The following SENP6 variants were observed in gnomAD, a reference collection of about 807,000 sequenced individuals.
SENP6 encodes sentrin-specific protease 6.
Under a neutral mutation model 134.5 loss-of-function variants are expected in SENP6, and 41 were observed. The observed-to-expected ratio is 0.30, with a 90% CI of 0.24 to 0.40. The LOEUF (loss-of-function observed/expected upper bound fraction) is 0.40, where lower values mean the gene tolerates loss of function less well. Ranked by LOEUF, SENP6 falls within the 10% of genes least tolerant of loss-of-function variation. SENP6 has a pLI of 1.00. For missense variants in SENP6, 1,248 were observed against 1,312.5 expected, an observed-to-expected ratio of 0.95 and a Z score of 0.76; for synonymous variants, 395 against 429.8, an observed-to-expected ratio of 0.92 and a Z score of 1.00.
At chr6:75,685,880 G>T (rs1773805302) in intron 16 of SENP6, among the ~76,000 whole-genome samples, 1 of 152,140 alleles carries the variant, frequency 6.6e-6, no homozygotes, top group Admixed American at 6.5e-5. Context: ...TGTTGATTTG[G>T]GGTGGAGAGT....
intron 8 of SENP6, among the ~76,000 whole-genome samples, chr6:75,660,269 A>G (rs477976): frequency 0.96 from 146,599 of 152,286 alleles, 70,818 homozygotes; most frequent in East Asian, 1. Flanking sequence ...TGATTTTCAC[A>G]TTAATGATAT....
chr6:75,708,888 C>T (rs530181421), intron 19 of SENP6, among the ~76,000 whole-genome samples: 8 of 151,656 alleles, frequency 5.3e-5, no homozygotes, highest in Non-Finnish European at 1.2e-4. Context: ...AGCAAGACCC[C>T]GTCTCAAAAA....
intron 1 of SENP6, among the ~76,000 whole-genome samples, chr6:75,608,895 T>G (rs1302638274): frequency 6.6e-6 from 1 of 152,230 alleles, no homozygotes; most frequent in African/African-American, 2.4e-5. Context: ...CTTGCTTGTC[T>G]TCTCTTCTAT....
rs116203884 is a variant in SENP6, at chr6:75,642,852, G to A, written c.479+2148G>A. Among the ~76,000 whole-genome samples the A allele has an allele frequency of 1.9e-3, 293 of 152,310 alleles. 1 individual carries two copies. Among genetic ancestry groups the A allele is most frequent in the African/African-American group, 6.8e-3 (281 of 41,570 alleles). On this transcript the variant is annotated intron_variant, in intron 6 of 23. Coordinates refer to ENST00000447266, the MANE Select transcript of SENP6 (RefSeq NM_015571.4). ...GGAGGTGTGTTACAAAGGAAAATCA[G>A]TAATAGTCTGTAAGTACTCAAAACT... is the stretch of plus-strand genomic sequence containing the variant.
chr6:75,695,288 C>T (rs1218139095), intron 16 of SENP6, among the ~76,000 whole-genome samples: 1 of 152,162 alleles, frequency 6.6e-6, no homozygotes, highest in East Asian at 1.9e-4. Context: ...TGTTTTAAAA[C>T]ATTAGATCTT....
chr6:75,669,663 T>G (rs879813585), intron 10 of SENP6, among the ~76,000 whole-genome samples: 24 of 152,202 alleles, frequency 1.6e-4, no homozygotes, highest in Non-Finnish European at 2.9e-4. Flanking sequence ...GAATCATAAT[T>G]TAACAGATGA....
chr6:75,713,485 T>C (rs1369502277), intron 21 of SENP6, 28 bp from the exon 22 acceptor site: 1 of 1,566,838 alleles, frequency 6.4e-7, no homozygotes, highest in Non-Finnish European at 8.8e-7. Flanking sequence ...TATGAAGTAT[T>C]CGACTTTTGG....
chr6:75,684,276 A>C (rs1193358507), intron 16 of SENP6, among the ~76,000 whole-genome samples: 1 of 152,204 alleles, frequency 6.6e-6, no homozygotes, highest in Non-Finnish European at 1.5e-5. Flanking sequence ...GAAGTTGCTT[A>C]TCAGCATAAG....
intron 9 of SENP6, among the ~76,000 whole-genome samples, chr6:75,663,818 TTG>T: frequency 2.1e-5 from 2 of 93,748 alleles, no homozygotes; most frequent in Non-Finnish European, 4.1e-5. Context: ...GTTTTTTTTT[TTG>T]TGGGGGGGGG....
At chr6:75,614,969 C>T (rs569942623) in intron 1 of SENP6, among the ~76,000 whole-genome samples, 6 of 152,210 alleles carry the variant, frequency 3.9e-5, no homozygotes, top group African/African-American at 1.4e-4. Flanking sequence ...CGGCTCACTG[C>T]AATTTCCAGC....
intron 16 of SENP6, among the ~76,000 whole-genome samples, chr6:75,685,570 A>G (rs1227808074): frequency 2.0e-5 from 3 of 152,114 alleles, no homozygotes; most frequent in Non-Finnish European, 2.9e-5. Flanking sequence ...GGTGATTTAA[A>G]TGTGTCCAAG....
At chr6:75,633,797 T>C in intron 4 of SENP6, 71 bp downstream of exon 4, 1 of 1,356,082 alleles carries the variant, frequency 7.4e-7, no homozygotes, top group Non-Finnish European at 1.0e-6. Flanking sequence ...ACTTAGAAGC[T>C]AATAGGCCCA....
At chr6:75,696,129 G>T (rs1249815379) in intron 17 of SENP6, among the ~76,000 whole-genome samples, 1 of 152,044 alleles carries the variant, frequency 6.6e-6, no homozygotes, top group Non-Finnish European at 1.5e-5. Flanking sequence ...AACTAACTTT[G>T]TGCTAGTTTT....
chr6:75,661,807 G>C (rs1468027703), intron 8 of SENP6, among the ~76,000 whole-genome samples: 1 of 152,132 alleles, frequency 6.6e-6, no homozygotes, highest in Non-Finnish European at 1.5e-5. Context: ...CCAGCACTTT[G>C]GCAGGCCGAG....
intron 16 of SENP6, among the ~76,000 whole-genome samples, chr6:75,693,953 A>C (rs1774475077): frequency 6.6e-6 from 1 of 152,098 alleles, no homozygotes; most frequent in Admixed American, 6.6e-5. Context: ...AAAATAACTA[A>C]GGCAATAAAA....
At chr6:75,660,934 A>G (rs1053757445) in intron 8 of SENP6, among the ~76,000 whole-genome samples, 1 of 152,008 alleles carries the variant, frequency 6.6e-6, no homozygotes, top group African/African-American at 2.4e-5. Context: ...CCTGGCCATT[A>G]TTTTGTATTT....
chr6:75,678,250 AAG>A (rs1773226916), intron 14 of SENP6: 2 of 207,328 alleles, frequency 9.6e-6, no homozygotes, highest in East Asian at 3.3e-4. Flanking sequence ...CCATTGAACT[AAG>A]AGGCAAAAAC....
intron 8 of SENP6, among the ~76,000 whole-genome samples, chr6:75,660,667 C>G (rs1771705546): frequency 6.6e-6 from 1 of 151,732 alleles, no homozygotes. Flanking sequence ...GAGTCTTGCT[C>G]TGTCACCCAG....
intron 7 of SENP6, among the ~76,000 whole-genome samples, chr6:75,656,634 C>G (rs557878724): frequency 1.3e-5 from 2 of 152,286 alleles, no homozygotes; most frequent in South Asian, 4.1e-4. Flanking sequence ...AATGGAATTT[C>G]TTAACCCTGA....
Sources: allele counts gnomAD v4.1 joint callset (sites outside exome capture counted in the v4.1 genomes callset), GRCh38; gene constraint gnomAD v4.1.1; transcripts MANE v1.5; gene names NCBI Gene and HGNC (gene_info 2026-07-23, HGNC 2026-07-21).